The following BTBD9 variants were observed in gnomAD, a reference collection of about 807,000 sequenced individuals.
BTBD9 encodes the protein BTB/POZ domain-containing protein 9.
Under a neutral mutation model 64.3 loss-of-function variants are expected in BTBD9, and 49 were observed. That is an observed-to-expected ratio of 0.76 (90% confidence interval 0.61 to 0.97). BTBD9 has a LOEUF of 0.97. Among genes scored for constraint, BTBD9 ranks in the 50% least tolerant of loss-of-function variants. The pLI is 0.00. For missense variants in BTBD9, 598 were observed against 762.1 expected, an observed-to-expected ratio of 0.78 and a Z score of 2.53; for synonymous variants, 260 against 274.7, an observed-to-expected ratio of 0.95 and a Z score of 0.53.
At chr6:38,454,548 A>G (rs1231210598) in intron 6 of BTBD9, among the ~76,000 whole-genome samples, 1 of 151,224 alleles carries the variant, frequency 6.6e-6, no homozygotes, top group African/African-American at 2.4e-5. Context: ...TTGTAATCCT[A>G]GCACTTAGGA....
intron 9 of BTBD9, among the ~76,000 whole-genome samples, chr6:38,206,334 C>T (rs545721237): frequency 1.1e-4 from 16 of 151,872 alleles, no homozygotes; most frequent in Admixed American, 2.0e-4. Context: ...ACCCACCTCC[C>T]GGGTTCAAGC....
intron 6 of BTBD9, among the ~76,000 whole-genome samples, chr6:38,515,823 A>G (rs114002899): frequency 6.1e-4 from 93 of 152,324 alleles, no homozygotes; most frequent in African/African-American, 2.0e-3. Flanking sequence ...AATAAATCAT[A>G]AAGTACTACT....
Position 38,171,244 on chromosome 6 carries a change from G to C in BTBD9, c.*3741C>G, listed in dbSNP as rs746848720. 4.0e-4 allele frequency: 61 copies of C among 152,202 alleles called. No individual in the cohort carries two copies. Among genetic ancestry groups the C allele is most frequent in the Non-Finnish European group, 6.0e-4 (41 of 68,040 alleles). 9.4% of individuals were successfully genotyped at this position (152,202 alleles called of 1,614,324 possible). ...CTGGGCTGGAGCCATCTGCACAGCA[G>C]TTTGACAACTGGGGCGACAGCATAA... On this transcript the variant is annotated 3_prime_UTR_variant, in exon 11 of 11. Coordinates refer to ENST00000481247, the MANE Select transcript of BTBD9 (RefSeq NM_001099272.2).
At chr6:38,589,072 C>A (rs564255830) in intron 4 of BTBD9, among the ~76,000 whole-genome samples, 1 of 152,308 alleles carries the variant, frequency 6.6e-6, no homozygotes, top group South Asian at 2.1e-4. Flanking sequence ...AATCATTACT[C>A]AAGTTCAGAA....
intron 4 of BTBD9, among the ~76,000 whole-genome samples, chr6:38,580,817 CAA>C (rs1161486486): frequency 6.6e-6 from 1 of 152,116 alleles, no homozygotes; most frequent in Non-Finnish European, 1.5e-5. Flanking sequence ...TGTTATTTTT[CAA>C]AAGTTAATAA....
At chr6:38,580,066 T>G (rs1243144691) in intron 5 of BTBD9, 152 bp downstream of exon 5, 4 of 611,898 alleles carry the variant, frequency 6.5e-6, no homozygotes, top group African/African-American at 1.9e-5. Context: ...AAGAAATATA[T>G]CCTTTAACTC....
intron 10 of BTBD9, among the ~76,000 whole-genome samples, chr6:38,181,793 G>C (rs1009624831): frequency 6.6e-6 from 1 of 152,130 alleles, no homozygotes; most frequent in East Asian, 1.9e-4. Flanking sequence ...TTCGAGACCA[G>C]CCCGGCCGAC....
intron 1 of BTBD9, among the ~76,000 whole-genome samples, chr6:38,639,381 C>A (rs1032381977): frequency 2.0e-5 from 3 of 152,150 alleles, no homozygotes; most frequent in Non-Finnish European, 2.9e-5. Flanking sequence ...CTGGCCAGGG[C>A]AGGGGAGATG....
In BTBD9 at chr6:38,265,778, C is replaced by T. The variant is rs1764950316; in HGVS notation, c.1455-9262G>A. 2.6e-5 allele frequency among the ~76,000 whole-genome samples: 4 copies of T among 152,140 alleles called. No individual in the cohort carries two copies. The South Asian group carries it at 8.3e-4, about 31-fold the overall frequency. ...CAAGCGACCTGCCTGCCTCAGCCTC[C>T]CACAGTGCTGGGCTTACAGGCGTGA... is the stretch of plus-strand genomic sequence containing the variant. On this transcript the variant is annotated intron_variant, in intron 8 of 10. Transcript: ENST00000481247.
rs1239716622 is a variant in BTBD9 at position 38,168,569 on chromosome 6, GGAA to G, written c.*6413_*6415del. 6.6e-6 allele frequency: 1 copy of G among 151,100 alleles called. No homozygotes were observed. The highest frequency in any genetic ancestry group is 1.5e-5 in the Non-Finnish European group (1 of 68,068). The allele number at this position is 151,100 out of a possible 1,614,324, so 9.4% of individuals were successfully genotyped here. A position where few individuals can be genotyped will look rare whatever the true frequency, so the allele number is the denominator to read the frequency against. The stretch of plus-strand genomic sequence containing the variant: ...CCGCTTAGGTTGCTCTGCAAAATGA[GGAA>G]GAAGCCGCATCGTGCTCACAAATAA... On this transcript the variant is annotated 3_prime_UTR_variant, in exon 11 of 11. Transcript: ENST00000481247.
intron 6 of BTBD9, among the ~76,000 whole-genome samples, chr6:38,543,911 C>T (rs1211723068): frequency 6.6e-6 from 1 of 150,554 alleles, no homozygotes; most frequent in African/African-American, 2.4e-5. Context: ...GAGCCGAGAT[C>T]GCGCCACTGC....
At chr6:38,262,136 G>A (rs138889628) in intron 8 of BTBD9, among the ~76,000 whole-genome samples, 209 of 152,340 alleles carry the variant, frequency 1.4e-3, no homozygotes, top group African/African-American at 3.9e-3. Context: ...TGCAACAACA[G>A]AGAGCTATTT....
At chr6:38,313,825 C>T (rs886936053) in intron 7 of BTBD9, among the ~76,000 whole-genome samples, 16 of 149,882 alleles carry the variant, frequency 1.1e-4, no homozygotes, top group Non-Finnish European at 2.2e-4. Flanking sequence ...TCTTGGCTCA[C>T]TGCAACCTCC....
intron 6 of BTBD9, among the ~76,000 whole-genome samples, chr6:38,442,088 A>T (rs939107512): frequency 6.6e-6 from 1 of 152,174 alleles, no homozygotes; most frequent in African/African-American, 2.4e-5. Context: ...AGAAATACAT[A>T]TAACAAAATC....
chr6:38,243,947 C>T (rs925442464), intron 9 of BTBD9, among the ~76,000 whole-genome samples: 2 of 152,092 alleles, frequency 1.3e-5, no homozygotes, highest in Non-Finnish European at 2.9e-5. Context: ...GCTGAGCAAG[C>T]GTCAATCATG....
rs1764512893 is a variant in BTBD9, at chr6:38,351,516, T to G, written c.1155-6423A>C. Among the ~76,000 whole-genome samples, 2 of 144,108 alleles carry G rather than the reference T, an allele frequency of 1.4e-5. 1 individual carries two copies. Among genetic ancestry groups the G allele is most frequent in the African/African-American group, 5.1e-5 (2 of 39,224 alleles). 94.5% of individuals were successfully genotyped at this position (144,108 alleles called of 152,430 possible). On this transcript the variant is annotated intron_variant, in intron 6 of 10. Coordinates refer to ENST00000481247, the MANE Select transcript of BTBD9 (RefSeq NM_001099272.2). ...ATATTTAATTGTTGTTGTTTTTTTT[T>G]TTTTTTTTTTTGAGATGGAGTCTCA...
At chr6:38,442,176 G>C (rs1483824327) in intron 6 of BTBD9, among the ~76,000 whole-genome samples, 1 of 152,140 alleles carries the variant, frequency 6.6e-6, no homozygotes, top group Non-Finnish European at 1.5e-5. Flanking sequence ...GCAACATTTT[G>C]TCTGTGAATT....
At chr6:38,566,598 A>G (rs994477287) in intron 6 of BTBD9, among the ~76,000 whole-genome samples, 3 of 152,234 alleles carry the variant, frequency 2.0e-5, no homozygotes, top group African/African-American at 7.2e-5. Context: ...GTTCCCCAAC[A>G]AAGAAAAGTG....
chr6:38,306,802 T>G (rs1762642220), intron 7 of BTBD9, among the ~76,000 whole-genome samples: 1 of 152,206 alleles, frequency 6.6e-6, no homozygotes, highest in South Asian at 2.1e-4. Context: ...AAAGACCCAC[T>G]TGAAGCAGAT....
Sources: gnomAD v4.1 joint callset for allele counts (sites outside exome capture counted in the v4.1 genomes callset) on GRCh38, gnomAD v4.1.1 for gene constraint, MANE v1.5 for transcripts, NCBI Gene and HGNC (gene_info 2026-07-23, HGNC 2026-07-21) for gene names.